Variants in CDC42BPA observed in about 807,000 individuals in gnomAD.
CDC42BPA encodes the protein serine/threonine-protein kinase MRCK alpha.
Under a neutral mutation model 223.5 loss-of-function variants are expected in CDC42BPA, and 80 were observed. The ratio of observed to expected loss-of-function variants is 0.36; its 90% CI spans 0.30 to 0.43. CDC42BPA has a LOEUF of 0.43. Ranked by LOEUF, CDC42BPA falls within the 20% of genes least tolerant of loss-of-function variation. The pLI, the probability that CDC42BPA is intolerant of heterozygous loss-of-function variation, is 1.00. For synonymous variants in CDC42BPA, 694 were observed against 718.6 expected (o/e 0.97, Z 0.55); for missense variants, 1,743 against 2,099.9 (o/e 0.83, Z 3.32).
intron 6 of CDC42BPA, among the ~76,000 whole-genome samples, chr1:227,152,775 CA>C (rs1662023062): frequency 6.6e-6 from 1 of 151,924 alleles, no homozygotes; most frequent in African/African-American, 2.4e-5. Flanking sequence ...CACACAAAAC[CA>C]AAATGAACAA....
chr1:227,170,663 T>C (rs1235344232), intron 5 of CDC42BPA, among the ~76,000 whole-genome samples: 2 of 152,150 alleles, frequency 1.3e-5, no homozygotes, highest in Non-Finnish European at 2.9e-5. Flanking sequence ...GAACTTCATA[T>C]GCATTGAATG....
intron 16 of CDC42BPA, among the ~76,000 whole-genome samples, chr1:227,088,872 C>T (rs935462570): frequency 1.3e-5 from 2 of 152,044 alleles, no homozygotes; most frequent in Non-Finnish European, 2.9e-5. Context: ...ACTACAGGCA[C>T]GTGCCACCGC....
chr1:227,257,791 G>T (rs12079173), intron 1 of CDC42BPA, among the ~76,000 whole-genome samples: 1 of 149,922 alleles, frequency 6.7e-6, no homozygotes, highest in African/African-American at 2.5e-5. Flanking sequence ...AAAATCACAC[G>T]CAAGTTTGAC....
intron 10 of CDC42BPA, among the ~76,000 whole-genome samples, chr1:227,136,525 T>C (rs1200372903): frequency 6.6e-6 from 1 of 152,048 alleles, no homozygotes; most frequent in African/African-American, 2.4e-5. Flanking sequence ...TCAAAGAAAA[T>C]TGCAAAAGCT....
chr1:227,265,848 C>T (rs972789817), intron 1 of CDC42BPA, among the ~76,000 whole-genome samples: 3 of 152,018 alleles, frequency 2.0e-5, no homozygotes, highest in South Asian at 2.1e-4. Flanking sequence ...AGAAGGTCCT[C>T]GTTTGAACTC....
At chr1:227,100,674 T>G (rs1572810649) in intron 15 of CDC42BPA, among the ~76,000 whole-genome samples, 2 of 151,762 alleles carry the variant, frequency 1.3e-5, no homozygotes, top group South Asian at 4.2e-4. Flanking sequence ...TGGGCTCAAG[T>G]AAGCCTCCTT....
chr1:227,025,235 C>T (rs969858360), intron 31 of CDC42BPA, among the ~76,000 whole-genome samples: 2 of 151,852 alleles, frequency 1.3e-5, no homozygotes, highest in Admixed American at 1.3e-4. Context: ...AGAGCGAGAC[C>T]CTGTCTCAAA....
At chr1:227,060,030 G>GTTTTTC in intron 21 of CDC42BPA, among the ~76,000 whole-genome samples, 1 of 117,690 alleles carries the variant, frequency 8.5e-6, no homozygotes, top group East Asian at 2.6e-4. Flanking sequence ...GTTTTTTTTT[G>GTTTTTC]TTTTTTTTTT....
intron 34 of CDC42BPA, chr1:227,010,847 GA>G: frequency 7.7e-7 from 1 of 1,290,364 alleles, no homozygotes; most frequent in Non-Finnish European, 1.0e-6. Flanking sequence ...CATGGTTAGT[GA>G]AAGTTAACAC....
chr1:227,263,437 T>C (rs1402905087), intron 1 of CDC42BPA, among the ~76,000 whole-genome samples: 2 of 152,198 alleles, frequency 1.3e-5, no homozygotes, highest in African/African-American at 4.8e-5. Context: ...AGTTAATTTA[T>C]ATCAATTTAC....
At chr1:227,050,742 G>A (rs1929866) in intron 22 of CDC42BPA, among the ~76,000 whole-genome samples, 43,119 of 152,024 alleles carry the variant, frequency 0.28, 6,329 homozygotes, top group African/African-American at 0.35. Context: ...TGTATCATTT[G>A]TGGATACAAA....
rs200668164 is a variant in CDC42BPA at position 227,073,901 on chromosome 1, A to T, written c.2698T>A (p.Leu900Met). The T allele has an allele frequency of 6.2e-7, 1 of 1,607,298 alleles. No homozygotes were observed. Among genetic ancestry groups the T allele is most frequent in the East Asian group, 2.2e-5 (1 of 44,536 alleles). The change falls in exon 19 of 37, where the codon TTG becomes ATG. Residue 900 changes from leucine (L) to methionine (M), a missense_variant. By Grantham distance (15) the Leu-to-Met change is conservative (BLOSUM62 2). Around this residue, in one of 6 missense-constraint regions of CDC42BPA, gnomAD observed 678 missense variants for 777.5 expected, o/e 0.87. Transcript: ENST00000366766. Reference protein sequence around the residue: ...IRAKQAIQEELNKVKASNIIT... With the variant: ...IRAKQAIQEEMNKVKASNIIT... ...ATATTAGATGCTTTAACTTTATTCA[A>T]CTCTTCTTGGATGGCCTGTTTGGCT...
chr1:227,018,058 T>TTAC (rs756724617), intron 32 of CDC42BPA, among the ~76,000 whole-genome samples: 1 of 143,830 alleles, frequency 7.0e-6, no homozygotes, highest in African/African-American at 2.5e-5. Context: ...ATTATTATTA[T>TTAC]TTATTTGAGG....
chr1:227,148,903 T>TA (rs547625663), intron 6 of CDC42BPA, among the ~76,000 whole-genome samples: 49 of 151,068 alleles, frequency 3.2e-4, no homozygotes, highest in Admixed American at 1.9e-3. Flanking sequence ...AGAATCAGGA[T>TA]AATAAGCATT....
In CDC42BPA at chr1:226,994,698, A is replaced by G. The variant is rs1558235678; in HGVS notation, c.5133+125T>C. Reference sequence around the variant, plus strand: ...CTGGCCTAGCTGCCCGCTGGCCAAGAGTGAATGCTGGCCCCTGACCCCGAA... The same window carrying G: ...CTGGCCTAGCTGCCCGCTGGCCAAGGGTGAATGCTGGCCCCTGACCCCGAA... On this transcript the variant is annotated intron_variant, in intron 36 of 36. Transcript: ENST00000366766. The surrounding 1 kb of genome is among the most constrained non-coding windows in gnomAD (Gnocchi z 4.0). 5.9e-6 allele frequency: 6 copies of G among 1,019,686 alleles called. No individual in the cohort carries two copies. 63.2% of individuals were successfully genotyped at this position (1,019,686 alleles called of 1,614,324 possible). A position where few individuals can be genotyped will look rare whatever the true frequency, so the allele number is the denominator to read the frequency against.
At chr1:227,186,194 G>C (rs952902132) in intron 5 of CDC42BPA, among the ~76,000 whole-genome samples, 3 of 152,170 alleles carry the variant, frequency 2.0e-5, no homozygotes, top group African/African-American at 7.2e-5. Flanking sequence ...GTCATAGGGA[G>C]GCCGCACATT....
At position 227,148,772 on chromosome 1, in the gene CDC42BPA, C is replaced by CAA. The variant is rs57635319; in HGVS notation, c.694-1215_694-1214dup. On this transcript the variant is annotated intron_variant, in intron 6 of 36. Coordinates refer to ENST00000366766, the MANE Select transcript of CDC42BPA (RefSeq NM_001394014.1). ...ACAGAGCAAGACTCGGTCTCAAAAG[C>CAA]AAAAAAAAAAAAAAAAAAAAAAAAA... 5.8e-4 allele frequency among the ~76,000 whole-genome samples: 46 copies of CAA among 78,784 alleles called. 1 individual carries two copies. Among genetic ancestry groups the CAA allele is most frequent in the African/African-American group, 2.4e-3 (43 of 17,848 alleles). The allele number at this position is 78,784 out of a possible 152,430, so 51.7% of individuals were successfully genotyped here. A position where few individuals can be genotyped will look rare whatever the true frequency, so the allele number is the denominator to read the frequency against.
At chr1:227,275,864 G>A (rs1158687436) in intron 1 of CDC42BPA, among the ~76,000 whole-genome samples, 2 of 152,186 alleles carry the variant, frequency 1.3e-5, no homozygotes, top group Non-Finnish European at 1.5e-5. Flanking sequence ...TGGGCCTCCC[G>A]AGGTGCCGGG....
intron 1 of CDC42BPA, among the ~76,000 whole-genome samples, chr1:227,262,640 T>G (rs1439487479): frequency 6.6e-6 from 1 of 152,034 alleles, no homozygotes; most frequent in Non-Finnish European, 1.5e-5. Context: ...TCACAGAAAA[T>G]ATCACTGGTT....
Sources: allele counts gnomAD v4.1 joint callset (sites outside exome capture counted in the v4.1 genomes callset), GRCh38; gene constraint gnomAD v4.1.1; regional missense constraint gnomAD v4.1.1; non-coding constraint Gnocchi (gnomAD v3.1); transcripts MANE v1.5; gene names NCBI Gene and HGNC (gene_info 2026-07-23, HGNC 2026-07-21).